The following ZNRF3 variants were observed in gnomAD, a reference collection of about 807,000 sequenced individuals.
ZNRF3 encodes zinc and ring finger 3, also known as E3 ubiquitin-protein ligase ZNRF3.
Under a neutral mutation model 72.5 loss-of-function variants are expected in ZNRF3, and 23 were observed. The ratio of observed to expected loss-of-function variants is 0.32; its 90% CI spans 0.23 to 0.45. The LOEUF is 0.45. Among genes scored for constraint, ZNRF3 ranks in the 20% least tolerant of loss-of-function variants. ZNRF3 has a pLI of 1.00. For synonymous variants in ZNRF3, 610 were observed against 545.3 expected, an observed-to-expected ratio of 1.12 and a Z score of -1.65; for missense variants, 1,169 against 1,272.1, an observed-to-expected ratio of 0.92 and a Z score of 1.23.
At chr22:28,973,914 A>G (rs1210515406) in intron 1 of ZNRF3, among the ~76,000 whole-genome samples, 2 of 151,492 alleles carry the variant, frequency 1.3e-5, no homozygotes, top group Non-Finnish European at 2.9e-5. Flanking sequence ...TCCAAATATC[A>G]GGAAATATTG....
chr22:29,009,950 A>G (rs1343570430), intron 2 of ZNRF3, among the ~76,000 whole-genome samples: 1 of 125,756 alleles, frequency 8.0e-6, no homozygotes, highest in African/African-American at 3.1e-5. Flanking sequence ...TCTGTTTCCC[A>G]GGCTGGAGTC....
At chr22:29,042,095 G>A (rs535268451) in intron 2 of ZNRF3, among the ~76,000 whole-genome samples, 18 of 152,166 alleles carry the variant, frequency 1.2e-4, no homozygotes, top group Middle Eastern at 3.4e-3. Context: ...TACCATACAA[G>A]GTAGGTGAAA....
intron 2 of ZNRF3, among the ~76,000 whole-genome samples, chr22:29,017,396 T>G (rs2036456710): frequency 6.6e-6 from 1 of 152,206 alleles, no homozygotes; most frequent in Non-Finnish European, 1.5e-5. Flanking sequence ...GCCGTAAATC[T>G]TAAGTGTGGC....
At chr22:28,901,165 C>T (rs74843137) in intron 1 of ZNRF3, among the ~76,000 whole-genome samples, 2 of 152,042 alleles carry the variant, frequency 1.3e-5, no homozygotes, top group African/African-American at 4.8e-5. Context: ...AAACATTTCC[C>T]AGTTCAACTC....
rs1025350681 is a variant in ZNRF3 at position 28,883,835 on chromosome 22, C to G, written c.69C>G (p.Pro23=). ...GRRRRRLRRR[P]RGLRCSRLPP... ...GCCGCCGCCGCCTGCGCCGCCGCCC[C>G]CGCGGCCTCCGGTGCAGCCGCCTGC... Residue 23 remains proline, a synonymous_variant, in exon 1 of 9, where the codon CCC becomes CCG. Transcript: ENST00000544604. The surrounding 1 kb of genome is among the most constrained non-coding windows in gnomAD (Gnocchi z 5.5). 412 of 979,426 alleles carry G rather than the reference C, an allele frequency of 4.2e-4. 2 individuals carry two copies. In the South Asian group the frequency reaches 4.8e-3, roughly 11 times the overall value. The allele number at this position is 979,426 out of a possible 1,614,324, so 60.7% of individuals were successfully genotyped here. A position where few individuals can be genotyped will look rare whatever the true frequency, so the allele number is the denominator to read the frequency against.
chr22:28,983,113 A>G (rs1048412850), intron 1 of ZNRF3, among the ~76,000 whole-genome samples: 4 of 152,174 alleles, frequency 2.6e-5, no homozygotes, highest in African/African-American at 9.7e-5. Context: ...GGCACTTTAG[A>G]AAAATTCCTT....
intron 1 of ZNRF3, among the ~76,000 whole-genome samples, chr22:28,944,718 G>A (rs1373009756): frequency 6.9e-6 from 1 of 144,496 alleles, no homozygotes; most frequent in Admixed American, 7.3e-5. Context: ...TTGTGCCATT[G>A]CACTCCAGCC....
Position 29,057,407 on chromosome 22 carries a change from C to A in ZNRF3, c.*3785C>A, listed in dbSNP as rs1352334972. ...TTTGCAGACCAAAAATGATTTAAAACAAGTTGTAGTCTTCTATGGTTTTGT... is the reference window on the plus strand; with the variant it reads ...TTTGCAGACCAAAAATGATTTAAAAAAAGTTGTAGTCTTCTATGGTTTTGT... On this transcript the variant is annotated 3_prime_UTR_variant, in exon 9 of 9. Transcript: ENST00000544604. 2.0e-5 allele frequency: 3 copies of A among 151,882 alleles called. No individual in the cohort carries two copies. Among genetic ancestry groups the A allele is most frequent in the Non-Finnish European group, 1.5e-5 (1 of 67,994 alleles). The allele number at this position is 151,882 out of a possible 1,614,324, so 9.4% of individuals were successfully genotyped here.
chr22:28,889,545 T>C (rs999395786), intron 1 of ZNRF3, among the ~76,000 whole-genome samples: 1 of 152,206 alleles, frequency 6.6e-6, no homozygotes, highest in African/African-American at 2.4e-5. Flanking sequence ...AGACACTGTA[T>C]TGCTGTTGTC....
chr22:28,957,163 ACTT>A (rs1490744451), intron 1 of ZNRF3, among the ~76,000 whole-genome samples: 1 of 152,200 alleles, frequency 6.6e-6, no homozygotes, highest in Non-Finnish European at 1.5e-5. Context: ...CCAGGACAGT[ACTT>A]CTTACATTCT....
chr22:28,994,524 TAAG>T (rs1323306735), intron 2 of ZNRF3, among the ~76,000 whole-genome samples: 1 of 151,940 alleles, frequency 6.6e-6, no homozygotes, highest in Non-Finnish European at 1.5e-5. Flanking sequence ...TGGTATTACT[TAAG>T]GAGTCAAATC....
At chr22:29,033,074 G>T (rs2036792537) in intron 2 of ZNRF3, among the ~76,000 whole-genome samples, 1 of 152,232 alleles carries the variant, frequency 6.6e-6, no homozygotes. Context: ...TCTAGGCCGG[G>T]TGTGGTGGCT....
At chr22:28,937,200 TATATATATATA>T (rs1569252641) in intron 1 of ZNRF3, among the ~76,000 whole-genome samples, 7 of 2,848 alleles carry the variant, frequency 2.5e-3, no homozygotes, top group Admixed American at 8.5e-3. Context: ...TATATATATA[TATATATATATA>T]TATATTTTTT....
At position 29,049,743 on chromosome 22, in the gene ZNRF3, T is replaced by C. The variant is rs986165223; in HGVS notation, c.1562T>C (p.Leu521Pro). 1.3e-6 allele frequency: 2 copies of C among 1,595,516 alleles called. No individual in the cohort carries two copies. The highest frequency in any genetic ancestry group is 2.7e-5 in the African/African-American group (2 of 74,668). The change falls in exon 8 of 9, where the codon CTG (leucine) becomes CCG (proline). Residue 521 changes from leucine (L) to proline (P), a missense_variant. By Grantham distance (98) the Leu-to-Pro change is moderately conservative (BLOSUM62 -3). Coordinates refer to ENST00000544604, the MANE Select transcript of ZNRF3 (RefSeq NM_001206998.2). This position sits in a 1 kb window ranked among gnomAD's most constrained non-coding sequence, Gnocchi z 5.2. ...GTGCACGTGGCCCCGCCCTCCCACC[T>C]GGAGAGCGGCAGCACGTCCAGCTTC... ...TVVHVAPPSH[L>P]ESGSTSSFSC...
chr22:28,918,567 TG>T (rs1200783519), intron 1 of ZNRF3, among the ~76,000 whole-genome samples: 1 of 147,138 alleles, frequency 6.8e-6, no homozygotes, highest in East Asian at 2.0e-4. Flanking sequence ...TGTGTGTGTG[TG>T]TGTGTGTGTG....
intron 2 of ZNRF3, among the ~76,000 whole-genome samples, chr22:29,036,079 T>C (rs1330894882): frequency 6.6e-6 from 1 of 152,148 alleles, no homozygotes; most frequent in Non-Finnish European, 1.5e-5. Flanking sequence ...AAAAAAACAA[T>C]GGAGGCTATA....
chr22:29,046,964 G>A, intron 6 of ZNRF3, 81 bp downstream of exon 6: 1 of 1,317,892 alleles, frequency 7.6e-7, no homozygotes, highest in South Asian at 2.3e-5. Context: ...GAAGGACAGG[G>A]CCCTGTGTTC....
At chr22:28,920,191 C>T (rs1020534719) in intron 1 of ZNRF3, among the ~76,000 whole-genome samples, 1 of 151,928 alleles carries the variant, frequency 6.6e-6, no homozygotes, top group Non-Finnish European at 1.5e-5. Flanking sequence ...ATCTCGAACT[C>T]CTGACCTTGG....
intron 1 of ZNRF3, among the ~76,000 whole-genome samples, chr22:28,905,738 C>G (rs1459516931): frequency 1.1e-4 from 16 of 152,100 alleles, no homozygotes; most frequent in Admixed American, 9.8e-4. Context: ...TAGGTGGAAG[C>G]CTTTTAGTGC....
Sources: gnomAD v4.1 joint callset for allele counts (sites outside exome capture counted in the v4.1 genomes callset) on GRCh38, gnomAD v4.1.1 for gene constraint, Gnocchi (gnomAD v3.1) non-coding constraint, MANE v1.5 for transcripts, NCBI Gene and HGNC (gene_info 2026-07-23, HGNC 2026-07-21) for gene names.